Variants in TARP observed in about 807,000 individuals in gnomAD.
the TARP span, chr7:38,260,225 G>C: frequency 2.5e-6 from 4 of 1,581,942 alleles, no homozygotes; most frequent in Non-Finnish European, 3.4e-6. Flanking sequence ...TGCAGCAGTA[G>C]TGTATCTAAG....
At chr7:38,261,769 A>G in the TARP span, among the ~76,000 whole-genome samples, 2 of 149,860 alleles carry the variant, frequency 1.3e-5, no homozygotes, top group African/African-American at 4.9e-5. Flanking sequence ...CTACTCGAGA[A>G]GCTGAGGCAG....
At chr7:38,266,079 G>T in the TARP span, among the ~76,000 whole-genome samples, 1 of 151,104 alleles carries the variant, frequency 6.6e-6, no homozygotes, top group Non-Finnish European at 1.5e-5. Context: ...AAGGTGGATG[G>T]CAGGGGAAAG....
the TARP span, among the ~76,000 whole-genome samples, chr7:38,263,617 G>T: frequency 1.3e-5 from 2 of 151,296 alleles, no homozygotes; most frequent in Non-Finnish European, 2.9e-5. Flanking sequence ...AAAACCTGAG[G>T]TGAGAGTTGA....
the TARP span, among the ~76,000 whole-genome samples, chr7:38,270,234 TA>T: frequency 6.6e-6 from 1 of 151,780 alleles, no homozygotes; most frequent in African/African-American, 2.4e-5. Context: ...TTGCCCTTAC[TA>T]AAAAAAATTC....
At chr7:38,261,109 AT>A in the TARP span, among the ~76,000 whole-genome samples, 1 of 151,726 alleles carries the variant, frequency 6.6e-6, no homozygotes, top group African/African-American at 2.4e-5. Flanking sequence ...TGCTCACAAA[AT>A]GTAGGTCACT....
At chr7:38,271,006 C>A in the TARP span, among the ~76,000 whole-genome samples, 1 of 149,818 alleles carries the variant, frequency 6.7e-6, no homozygotes, top group African/African-American at 2.5e-5. Context: ...CCTTTTTCTC[C>A]TTCTTTTGAG....
At chr7:38,261,000 T>G in the TARP span, among the ~76,000 whole-genome samples, 1 of 151,980 alleles carries the variant, frequency 6.6e-6, no homozygotes, top group East Asian at 1.9e-4. Context: ...GTCTGCTAAA[T>G]GAGATGCCCT....
the TARP span, among the ~76,000 whole-genome samples, chr7:38,270,584 C>G: frequency 6.6e-6 from 1 of 151,694 alleles, no homozygotes; most frequent in African/African-American, 2.4e-5. Flanking sequence ...CTGAAACTGA[C>G]TTCTGTCTAG....
chr7:38,262,292 T>G, the TARP span: 1 of 1,166,992 alleles, frequency 8.6e-7, no homozygotes, highest in African/African-American at 1.6e-5. Flanking sequence ...TTATAAAACC[T>G]GTCGACAGAG....
At chr7:38,260,793 A>G in the TARP span, among the ~76,000 whole-genome samples, 34 of 151,798 alleles carry the variant, frequency 2.2e-4, 1 homozygote, top group African/African-American at 2.9e-4. Context: ...AAGGATCTCA[A>G]GAAGTGATGT....
chr7:38,268,095 T>C, the TARP span, among the ~76,000 whole-genome samples: 2 of 151,758 alleles, frequency 1.3e-5, no homozygotes, highest in Middle Eastern at 3.4e-3. Flanking sequence ...TCCTCTCACA[T>C]GATTTTTAAA....
At chr7:38,271,277 A>T in the TARP span, among the ~76,000 whole-genome samples, 1 of 151,448 alleles carries the variant, frequency 6.6e-6, no homozygotes, top group African/African-American at 2.4e-5. Flanking sequence ...AGGAATGGAG[A>T]CTATGTTTGC....
the TARP span, among the ~76,000 whole-genome samples, chr7:38,270,183 G>T: frequency 6.6e-6 from 1 of 152,006 alleles, no homozygotes; most frequent in African/African-American, 2.4e-5. Flanking sequence ...TGCTATGATT[G>T]TGTGCCTTGA....
chr7:38,265,201 T>A, the TARP span: 1 of 678,866 alleles, frequency 1.5e-6, no homozygotes, highest in Non-Finnish European at 2.4e-6. Flanking sequence ...TTTAATTCTA[T>A]AGAAAAGTAG....
At chr7:38,263,684 C>G in the TARP span, among the ~76,000 whole-genome samples, 1 of 151,210 alleles carries the variant, frequency 6.6e-6, no homozygotes, top group Non-Finnish European at 1.5e-5. Context: ...ACAAAGACAA[C>G]ATACTTTAAA....
At chr7:38,270,392 T>G in the TARP span, among the ~76,000 whole-genome samples, 2 of 151,688 alleles carry the variant, frequency 1.3e-5, no homozygotes, top group African/African-American at 4.9e-5. Context: ...ACGCCCAATC[T>G]TTAATAGGTT....
chr7:38,268,242 T>C, the TARP span, among the ~76,000 whole-genome samples: 163 of 151,564 alleles, frequency 1.1e-3, no homozygotes, highest in African/African-American at 3.8e-3. Context: ...TTGGATTCAT[T>C]TATGTACATT....
At chr7:38,266,648 A>G in the TARP span, among the ~76,000 whole-genome samples, 1 of 151,636 alleles carries the variant, frequency 6.6e-6, no homozygotes, top group Non-Finnish European at 1.5e-5. Flanking sequence ...TGTTTTAAAG[A>G]GAATCTACTT....
chr7:38,263,103 G>T, the TARP span, among the ~76,000 whole-genome samples: 4 of 151,564 alleles, frequency 2.6e-5, no homozygotes. Flanking sequence ...AAGTACCCAT[G>T]ATTTTCTGGA....
Sources: allele counts gnomAD v4.1 joint callset (sites outside exome capture counted in the v4.1 genomes callset), GRCh38; gene constraint gnomAD v4.1.1; transcripts MANE v1.5.